Variants in MAGI3 observed in about 807,000 individuals in gnomAD.
MAGI3 encodes the protein membrane-associated guanylate kinase, WW and PDZ domain-containing protein 3.
Under a neutral mutation model 121.8 loss-of-function variants are expected in MAGI3, and 43 were observed. The observed-to-expected ratio is 0.35, with a 90% confidence interval of 0.28 to 0.46. MAGI3 has a LOEUF of 0.46. Among genes scored for constraint, MAGI3 ranks in the 20% least tolerant of loss-of-function variants. The probability of loss-of-function intolerance (pLI) is 1.00; values close to 1 mark genes in which losing one functional copy is unlikely to be tolerated. For synonymous variants in MAGI3, 553 were observed against 639.3 expected (o/e 0.86, Z 2.04); for missense variants, 1,547 against 1,797.3 (o/e 0.86, Z 2.52).
chr1:113,408,009 T>C (rs190033855), intron 1 of MAGI3, among the ~76,000 whole-genome samples: 2 of 152,250 alleles, frequency 1.3e-5, no homozygotes, highest in African/African-American at 4.8e-5. Context: ...GAAGGTAGCT[T>C]GGGATTCTTC....
At chr1:113,421,399 A>C (rs531914338) in intron 1 of MAGI3, among the ~76,000 whole-genome samples, 87 of 152,320 alleles carry the variant, frequency 5.7e-4, no homozygotes, top group Admixed American at 9.8e-4. Flanking sequence ...GGCTTTGACA[A>C]GTTGTCTCAT....
intron 6 of MAGI3, 90 bp from the exon 7 acceptor site, chr1:113,614,511 T>C: frequency 1.0e-6 from 1 of 978,036 alleles, no homozygotes; most frequent in East Asian, 2.4e-5. Flanking sequence ...ACCCAAATAT[T>C]AGTATAATGA....
At chr1:113,424,006 C>G (rs1016933158) in intron 1 of MAGI3, among the ~76,000 whole-genome samples, 2 of 152,158 alleles carry the variant, frequency 1.3e-5, no homozygotes, top group Non-Finnish European at 2.9e-5. Context: ...ACTTCTGAGC[C>G]CACGGGGGCA....
Position 113,490,887 on chromosome 1 carries a change from C to T in MAGI3, c.317-58628C>T, listed in dbSNP as rs1557785371. 4.6e-5 allele frequency among the ~76,000 whole-genome samples: 7 copies of T among 152,276 alleles called. No individual in the cohort carries two copies. The South Asian group carries it at 1.5e-3, about 32-fold the overall frequency. On this transcript the variant is annotated intron_variant, in intron 1 of 20. Coordinates refer to ENST00000307546, the MANE Select transcript of MAGI3 (RefSeq NM_001142782.2). ...CACAGGATCACTCAGATTCATAAAG[C>T]AAGTTCTTAGAGACCTTCAAAGACA...
intron 2 of MAGI3, among the ~76,000 whole-genome samples, chr1:113,578,403 T>A (rs532421394): frequency 2.0e-5 from 3 of 152,244 alleles, no homozygotes; most frequent in Admixed American, 2.0e-4. Flanking sequence ...ATAATTTTAA[T>A]CCTTGAATTT....
intron 1 of MAGI3, among the ~76,000 whole-genome samples, chr1:113,474,716 A>C (rs576899036): frequency 6.6e-6 from 1 of 152,246 alleles, no homozygotes; most frequent in Non-Finnish European, 1.5e-5. Flanking sequence ...TTGTCTTGGT[A>C]CTGTGGGCTC....
At chr1:113,575,967 TC>T (rs1647606022) in intron 2 of MAGI3, among the ~76,000 whole-genome samples, 1 of 152,318 alleles carries the variant, frequency 6.6e-6, no homozygotes, top group Non-Finnish European at 1.5e-5. Flanking sequence ...AGTCCGAACT[TC>T]CTGGCGGCTT....
chr1:113,621,036 C>T (rs527487700), intron 8 of MAGI3, among the ~76,000 whole-genome samples: 107 of 152,254 alleles, frequency 7.0e-4, no homozygotes, highest in African/African-American at 2.4e-3. Flanking sequence ...CCCAACTCTG[C>T]TTTGGTGGGA....
At chr1:113,617,935 C>A (rs1650576725) in intron 7 of MAGI3, among the ~76,000 whole-genome samples, 1 of 152,122 alleles carries the variant, frequency 6.6e-6, no homozygotes, top group Admixed American at 6.6e-5. Flanking sequence ...GTGGCACTTA[C>A]CATATTTAGA....
intron 2 of MAGI3, among the ~76,000 whole-genome samples, chr1:113,551,289 T>C (rs1659777995): frequency 6.6e-6 from 1 of 152,122 alleles, no homozygotes; most frequent in African/African-American, 2.4e-5. Context: ...TTTGTCCCCT[T>C]CCCCCATTCT....
chr1:113,666,132 C>T (rs372990764), intron 16 of MAGI3, among the ~76,000 whole-genome samples: 1 of 152,102 alleles, frequency 6.6e-6, no homozygotes, highest in Non-Finnish European at 1.5e-5. Context: ...GGTCTTGCCT[C>T]GATGTTGATG....
At chr1:113,591,935 A>G (rs1213675199) in intron 5 of MAGI3, among the ~76,000 whole-genome samples, 1 of 152,130 alleles carries the variant, frequency 6.6e-6, no homozygotes, top group African/African-American at 2.4e-5. Flanking sequence ...AATATATGTA[A>G]ATGGATGAAA....
At chr1:113,649,696 C>CT (rs1461879138) in intron 13 of MAGI3, among the ~76,000 whole-genome samples, 1 of 152,220 alleles carries the variant, frequency 6.6e-6, no homozygotes, top group Non-Finnish European at 1.5e-5. Context: ...CACTATTACT[C>CT]TATCTTCTGG....
intron 1 of MAGI3, among the ~76,000 whole-genome samples, chr1:113,405,582 T>C (rs958307569): frequency 1.3e-5 from 2 of 151,052 alleles, no homozygotes; most frequent in African/African-American, 4.8e-5. Flanking sequence ...ATAAACATTG[T>C]GGAGACTATT....
intron 10 of MAGI3, 124 bp downstream of exon 10, chr1:113,642,640 C>T (rs1652613996): frequency 9.3e-7 from 1 of 1,070,238 alleles, no homozygotes; most frequent in South Asian, 1.7e-5. Flanking sequence ...TGTGCATTTT[C>T]CTTAAGGTTC....
chr1:113,473,188 T>G (rs942188792), intron 1 of MAGI3, among the ~76,000 whole-genome samples: 1 of 152,220 alleles, frequency 6.6e-6, no homozygotes, highest in Non-Finnish European at 1.5e-5. Flanking sequence ...ATCTCTCCTT[T>G]ATTTCTGAAG....
chr1:113,543,580 AAGGCC>A (rs992565407), intron 1 of MAGI3, among the ~76,000 whole-genome samples: 4 of 152,146 alleles, frequency 2.6e-5, no homozygotes, highest in African/African-American at 9.7e-5. Flanking sequence ...AATACAAATT[AAGGCC>A]AGGCATGGTG....
intron 1 of MAGI3, among the ~76,000 whole-genome samples, chr1:113,417,265 T>C (rs1652504320): frequency 6.6e-6 from 1 of 152,156 alleles, no homozygotes; most frequent in African/African-American, 2.4e-5. Context: ...TCCCTGTAGG[T>C]TGGTGATCTT....
intron 15 of MAGI3, among the ~76,000 whole-genome samples, chr1:113,654,938 G>T (rs191139805): frequency 6.6e-6 from 1 of 152,182 alleles, no homozygotes; most frequent in Admixed American, 6.5e-5. Context: ...TTAGGAAAGT[G>T]TTGTGAGCCA....
Sources: allele counts gnomAD v4.1 joint callset (sites outside exome capture counted in the v4.1 genomes callset), GRCh38; gene constraint gnomAD v4.1.1; transcripts MANE v1.5; gene names NCBI Gene and HGNC (gene_info 2026-07-23, HGNC 2026-07-21).